The following PCDH11Y variants were observed in gnomAD, a reference collection of about 807,000 sequenced individuals.
PCDH11Y encodes the protein protocadherin 11 Y-linked.
For synonymous variants in PCDH11Y, 9 were observed against 83.6 expected (o/e 0.11, Z 4.87); for missense variants, 12 against 224.8 (o/e 0.05, Z 6.05).
At chrY:5,367,891 C>T (rs13304466) in intron 2 of PCDH11Y, among the ~76,000 whole-genome samples, 3 of 30,879 alleles carry the variant, frequency 9.7e-5, no homozygotes, top group Non-Finnish European at 1.6e-4. Context: ...CAGCCAGGCA[C>T]GGTGGCTCAC....
At chrY:5,147,745 G>A (rs2124643136) in intron 2 of PCDH11Y, among the ~76,000 whole-genome samples, 2 of 32,600 alleles carry the variant, frequency 6.1e-5, no homozygotes, top group East Asian at 1.7e-3. Context: ...CTTAAGTTTG[G>A]AAGAGGGAGG....
chrY:5,317,447 G>A (rs2053108436), intron 2 of PCDH11Y, among the ~76,000 whole-genome samples: 4 of 33,038 alleles, frequency 1.2e-4, no homozygotes, highest in African/African-American at 4.7e-4. Flanking sequence ...CCCCAGTGTT[G>A]GAGGTGGGGC....
At chrY:5,666,319 T>G in intron 4 of PCDH11Y, among the ~76,000 whole-genome samples, 1 of 33,032 alleles carries the variant, frequency 3.0e-5, no homozygotes, top group South Asian at 6.7e-4. Flanking sequence ...AGCTTCCAGA[T>G]AGTTTTGTTA....
At chrY:5,581,526 C>A (rs2053450937) in intron 3 of PCDH11Y, among the ~76,000 whole-genome samples, 1 of 32,812 alleles carries the variant, frequency 3.0e-5, no homozygotes, top group Non-Finnish European at 7.6e-5. Flanking sequence ...TGGAAAGCAC[C>A]AATCATTACT....
intron 2 of PCDH11Y, among the ~76,000 whole-genome samples, chrY:5,472,067 T>C (rs2124684798): frequency 3.1e-5 from 1 of 32,039 alleles, no homozygotes; most frequent in East Asian, 8.3e-4. Context: ...AGGGAAAATA[T>C]TGGAGATCAG....
intron 3 of PCDH11Y, among the ~76,000 whole-genome samples, chrY:5,568,623 A>G (rs2053437081): frequency 3.8e-5 from 1 of 26,195 alleles, no homozygotes; most frequent in Non-Finnish European, 8.6e-5. Flanking sequence ...TCATGTTTTT[A>G]TTAGTATCAG....
intron 2 of PCDH11Y, among the ~76,000 whole-genome samples, chrY:5,471,081 C>G (rs2053313749): frequency 1.1e-3 from 35 of 32,599 alleles, no homozygotes; most frequent in African/African-American, 4.1e-3. Context: ...GTTTTTTCAG[C>G]CGACCTAATA....
At chrY:5,321,205 G>A in intron 2 of PCDH11Y, among the ~76,000 whole-genome samples, 2 of 32,916 alleles carry the variant, frequency 6.1e-5, no homozygotes, top group Non-Finnish European at 1.5e-4. Flanking sequence ...AGAAAGGCAC[G>A]TCTTTCATGG....
chrY:5,101,260 T>C, exon 2 of PCDH11Y: 1 of 187,263 alleles, frequency 5.3e-6, no homozygotes. Flanking sequence ...CAAAATTATT[T>C]TGGTGCATCA....
At chrY:5,264,328 C>T in intron 2 of PCDH11Y, among the ~76,000 whole-genome samples, 2 of 33,654 alleles carry the variant, frequency 5.9e-5, no homozygotes, top group Non-Finnish European at 1.5e-4. Context: ...GCTTTTCCCT[C>T]TGCTTTTCTG....
chrY:5,004,806 G>C, intron 1 of PCDH11Y, among the ~76,000 whole-genome samples: 1 of 34,269 alleles, frequency 2.9e-5, no homozygotes, highest in Non-Finnish European at 7.3e-5. Flanking sequence ...CAGACAATGT[G>C]CTAGGCTCTA....
intron 4 of PCDH11Y, among the ~76,000 whole-genome samples, chrY:5,675,127 G>A: frequency 2.9e-4 from 10 of 33,941 alleles, no homozygotes; most frequent in African/African-American, 1.1e-4. Context: ...TCACATTGCT[G>A]TGGAGGCCTC....
intron 2 of PCDH11Y, among the ~76,000 whole-genome samples, chrY:5,144,982 C>T: frequency 3.8e-5 from 1 of 26,613 alleles, no homozygotes; most frequent in Admixed American, 3.7e-4. Context: ...TCCCCTATTC[C>T]ACAACCCCTG....
At chrY:5,251,705 C>T in intron 2 of PCDH11Y, among the ~76,000 whole-genome samples, 1 of 32,415 alleles carries the variant, frequency 3.1e-5, no homozygotes, top group Non-Finnish European at 7.6e-5. Context: ...CACCCACACA[C>T]ATAGTGTATG....
At chrY:5,682,847 C>T (rs2053559903) in intron 4 of PCDH11Y, among the ~76,000 whole-genome samples, 1 of 32,474 alleles carries the variant, frequency 3.1e-5, no homozygotes, top group South Asian at 7.0e-4. Context: ...CCCAGACAAA[C>T]AAAAGCTGAG....
At chrY:5,206,693 G>A (rs2052932726) in intron 2 of PCDH11Y, among the ~76,000 whole-genome samples, 1 of 32,142 alleles carries the variant, frequency 3.1e-5, no homozygotes, top group African/African-American at 1.2e-4. Context: ...CCCCAAAATG[G>A]CACAAAAGAA....
intron 2 of PCDH11Y, among the ~76,000 whole-genome samples, chrY:5,424,341 CG>C: frequency 3.0e-5 from 1 of 33,451 alleles, no homozygotes; most frequent in South Asian, 6.6e-4. Context: ...TTTTCTTCCT[CG>C]GGTTTTTTTG....
intron 2 of PCDH11Y, among the ~76,000 whole-genome samples, chrY:5,406,288 A>G: frequency 2.9e-5 from 1 of 33,914 alleles, no homozygotes; most frequent in African/African-American, 1.1e-4. Flanking sequence ...AAAATGTGAA[A>G]TGCATCACTT....
chrY:5,415,853 A>C, intron 2 of PCDH11Y, among the ~76,000 whole-genome samples: 1 of 32,627 alleles, frequency 3.1e-5, no homozygotes, highest in South Asian at 7.0e-4. Flanking sequence ...CCAGGATTCC[A>C]GATGTCCGTG....
Sources: gnomAD v4.1 joint callset for allele counts (sites outside exome capture counted in the v4.1 genomes callset) on GRCh38, gnomAD v4.1.1 for gene constraint, MANE v1.5 for transcripts, NCBI Gene and HGNC (gene_info 2026-07-23, HGNC 2026-07-21) for gene names.